NAV3: variants seen among roughly 807,000 people sequenced by gnomAD.
NAV3 encodes pore membrane and/or filament interacting like protein 1.
Under a neutral mutation model 244.7 loss-of-function variants are expected in NAV3, and 87 were observed. That is an observed-to-expected ratio of 0.36 (90% CI 0.30 to 0.42). The LOEUF (loss-of-function observed/expected upper bound fraction) is 0.42. NAV3 is among the 20% of genes least tolerant of loss of function. NAV3 has a pLI of 1.00. For missense variants in NAV3, 2,663 were observed against 2,893.3 expected (o/e 0.92, Z 1.83); for synonymous variants, 1,126 against 1,042.2 (o/e 1.08, Z -1.55).
At chr12:77,879,685 CAAAAAAAAAA>C (rs72076222) in intron 1 of NAV3, among the ~76,000 whole-genome samples, 1 of 85,092 alleles carries the variant, frequency 1.2e-5, no homozygotes, top group Admixed American at 1.5e-4. Context: ...AACTCCATCT[CAAAAAAAAAA>C]AAAAAAAAAA....
chr12:78,160,718 T>C, intron 23 of NAV3, among the ~76,000 whole-genome samples: 1 of 152,066 alleles, frequency 6.6e-6, no homozygotes, highest in East Asian at 1.9e-4. Flanking sequence ...CAAGTATTAT[T>C]AGCACATTGT....
At chr12:77,649,667 A>G (rs1333936599) in intron 2 of NAV3, among the ~76,000 whole-genome samples, 1 of 152,204 alleles carries the variant, frequency 6.6e-6, no homozygotes, top group Non-Finnish European at 1.5e-5. Flanking sequence ...CTTATTTAAA[A>G]CTGATTTTGT....
chr12:78,195,219 T>G (rs529713469), intron 34 of NAV3, among the ~76,000 whole-genome samples: 72 of 152,090 alleles, frequency 4.7e-4, no homozygotes, highest in African/African-American at 1.7e-3. Context: ...ATTCAAAGTC[T>G]TTTTTTCTTT....
intron 22 of NAV3, among the ~76,000 whole-genome samples, chr12:78,149,961 T>TG (rs1957011255): frequency 6.6e-6 from 1 of 152,140 alleles, no homozygotes; most frequent in Non-Finnish European, 1.5e-5. Context: ...TTCTGAAATT[T>TG]GGGAGAATTA....
chr12:77,837,864 G>A (rs935884417), intron 1 of NAV3, among the ~76,000 whole-genome samples: 4 of 152,212 alleles, frequency 2.6e-5, no homozygotes, highest in Non-Finnish European at 5.9e-5. Flanking sequence ...CATTGTTTGA[G>A]TAACAGAAAT....
chr12:77,992,426 G>T (rs2136371695), intron 5 of NAV3, among the ~76,000 whole-genome samples: 1 of 152,274 alleles, frequency 6.6e-6, no homozygotes, highest in East Asian at 1.9e-4. Context: ...GAAAGAGTCA[G>T]CTGTTGAGAT....
chr12:77,596,018 T>A (rs1870151143), intron 2 of NAV3, among the ~76,000 whole-genome samples: 1 of 152,218 alleles, frequency 6.6e-6, no homozygotes, highest in African/African-American at 2.4e-5. Flanking sequence ...GGACTTATAC[T>A]TGTCATTCAA....
intron 1 of NAV3, 160 bp from the exon 2 acceptor site, chr12:77,940,159 T>G: frequency 1.6e-6 from 1 of 606,916 alleles, no homozygotes; most frequent in Non-Finnish European, 2.9e-6. Context: ...AAAGAGCTGT[T>G]TAAAAATTAC....
intron 2 of NAV3, among the ~76,000 whole-genome samples, chr12:77,762,077 A>C (rs1185858117): frequency 6.6e-6 from 1 of 152,224 alleles, no homozygotes; most frequent in Non-Finnish European, 1.5e-5. Flanking sequence ...GCCCATGTAC[A>C]CCATGGCAGA....
chr12:78,087,136 A>T (rs995493282), intron 12 of NAV3, among the ~76,000 whole-genome samples: 1 of 152,028 alleles, frequency 6.6e-6, no homozygotes, highest in African/African-American at 2.4e-5. Flanking sequence ...AGATTTACAG[A>T]TGTTGTAGAA....
Position 78,122,109 on chromosome 12 carries a change from A to G in NAV3, c.3919A>G (p.Ser1307Gly), listed in dbSNP as rs2138688259. Residue 1307 changes from serine (S) to glycine (G), a missense_variant, in exon 16 of 40, where the codon AGC becomes GGC. This residue lies in a region of NAV3 where 354 missense variants were observed against 413.0 expected (regional missense o/e 0.86). Coordinates refer to ENST00000397909, the MANE Select transcript of NAV3 (RefSeq NM_001024383.2). ...SMGSAGGLSG[S>G]SSPLFNKPSD... is the part of the protein sequence containing the mutation. ...GGGCAGTGCTGGTGGGCTAAGCGGCAGCAGCAGCCCTCTCTTCAATAAACC... is the reference window on the plus strand; with the variant it reads ...GGGCAGTGCTGGTGGGCTAAGCGGCGGCAGCAGCCCTCTCTTCAATAAACC... The G allele has an allele frequency of 6.2e-7, 1 of 1,614,166 alleles. No homozygotes were observed. The highest frequency in any genetic ancestry group is 1.7e-5 in the Admixed American group (1 of 60,020).
chr12:77,705,017 A>C (rs1373254074), intron 2 of NAV3, among the ~76,000 whole-genome samples: 2 of 152,242 alleles, frequency 1.3e-5, no homozygotes, highest in African/African-American at 4.8e-5. Flanking sequence ...AGACAGAGAG[A>C]AGCAGGATGG....
intron 12 of NAV3, among the ~76,000 whole-genome samples, chr12:78,079,025 AT>A: frequency 6.6e-6 from 1 of 152,336 alleles, no homozygotes; most frequent in Admixed American, 6.5e-5. Context: ...TTATACACAA[AT>A]AACATCCTCC....
intron 2 of NAV3, among the ~76,000 whole-genome samples, chr12:77,713,338 A>G (rs1876211940): frequency 6.6e-6 from 1 of 152,186 alleles, no homozygotes; most frequent in African/African-American, 2.4e-5. Context: ...AAATTATCTG[A>G]CTATGCTATA....
intron 2 of NAV3, among the ~76,000 whole-genome samples, chr12:77,776,015 A>G (rs573284892): frequency 1.3e-5 from 2 of 152,322 alleles, no homozygotes; most frequent in African/African-American, 4.8e-5. Flanking sequence ...TCCTCAGAGC[A>G]TGGCAAGGAT....
chr12:77,867,404 TTTGTTG>T lies in NAV3; in HGVS notation c.243+35721_243+35726del, dbSNP rs61105303. On this transcript the variant is annotated intron_variant, in intron 1 of 39. Coordinates refer to ENST00000397909, the MANE Select transcript of NAV3 (RefSeq NM_001024383.2). Reference sequence around the variant, plus strand: ...TAAATTACCCAGTCTCAGGTATGTTTTTGTTGTTGTTGTTGTTGTTGTTGTTTGTTT... The same window carrying T: ...TAAATTACCCAGTCTCAGGTATGTTTTTGTTGTTGTTGTTGTTGTTTGTTT... 1.6e-3 allele frequency among the ~76,000 whole-genome samples: 248 copies of T among 151,708 alleles called. 2 individuals carry two copies. In the Middle Eastern group the frequency reaches 0.02, roughly 12 times the overall value.
intron 12 of NAV3, among the ~76,000 whole-genome samples, chr12:78,092,745 C>T (rs756549529): frequency 6.6e-6 from 1 of 152,068 alleles, no homozygotes; most frequent in Non-Finnish European, 1.5e-5. Flanking sequence ...TGTGATCTGC[C>T]AGCCTTGGCC....
At chr12:77,907,097 C>A (rs1442733622) in intron 1 of NAV3, among the ~76,000 whole-genome samples, 2 of 152,144 alleles carry the variant, frequency 1.3e-5, no homozygotes, top group Non-Finnish European at 2.9e-5. Flanking sequence ...TCAAATCTGA[C>A]ATCCTTTGTC....
intron 7 of NAV3, among the ~76,000 whole-genome samples, chr12:77,999,755 C>T (rs1457266562): frequency 6.6e-6 from 1 of 151,854 alleles, no homozygotes; most frequent in Non-Finnish European, 1.5e-5. Flanking sequence ...AAGACTTATA[C>T]TCTTCCTGGG....
Sources: allele counts gnomAD v4.1 joint callset (sites outside exome capture counted in the v4.1 genomes callset), GRCh38; gene constraint gnomAD v4.1.1; regional missense constraint gnomAD v4.1.1; transcripts MANE v1.5; gene names NCBI Gene and HGNC (gene_info 2026-07-23, HGNC 2026-07-21).